EBF1: variants seen among roughly 807,000 people sequenced by gnomAD.
EBF1 encodes the protein transcription factor COE1.
Under a neutral mutation model 68.4 loss-of-function variants are expected in EBF1, and 10 were observed. The ratio of observed to expected loss-of-function variants is 0.15; its 90% confidence interval spans 0.09 to 0.25. EBF1 has a LOEUF of 0.25. Among genes scored for constraint, EBF1 ranks in the 10% least tolerant of loss-of-function variants. EBF1 has a pLI of 1.00. For missense variants in EBF1, 509 were observed against 794.4 expected, an observed-to-expected ratio of 0.64 and a Z score of 4.32; for synonymous variants, 298 against 299.8, an observed-to-expected ratio of 0.99 and a Z score of 0.06.
chr5:158,883,415 T>C (rs891489004), intron 6 of EBF1, among the ~76,000 whole-genome samples: 1 of 147,872 alleles, frequency 6.8e-6, no homozygotes, highest in Non-Finnish European at 1.5e-5. Flanking sequence ...TATATATACA[T>C]ACATACGTAT....
intron 10 of EBF1, among the ~76,000 whole-genome samples, chr5:158,741,623 T>C (rs1766441518): frequency 6.6e-6 from 1 of 151,556 alleles, no homozygotes; most frequent in African/African-American, 2.4e-5. Flanking sequence ...AGTTTTGAAC[T>C]ACCTTAAACT....
intron 6 of EBF1, among the ~76,000 whole-genome samples, chr5:158,884,312 C>A (rs1171897513): frequency 6.7e-6 from 1 of 149,464 alleles, no homozygotes; most frequent in East Asian, 1.9e-4. Context: ...TTATTCCTGA[C>A]TCTAACAAGT....
chr5:158,852,035 G>A (rs1425455362), intron 6 of EBF1, among the ~76,000 whole-genome samples: 1 of 29,598 alleles, frequency 3.4e-5, no homozygotes, highest in African/African-American at 1.1e-4. Flanking sequence ...GAGGGAAAGG[G>A]TGGGGAGGGG....
At position 158,722,874 on chromosome 5, in the gene EBF1, G is replaced by C. The variant is rs528620728; in HGVS notation, c.1125+8195C>G. ...CATTCCTAAGGGCTTCAGTCTTTAAGGGGAGGATGTTGGGTGGCTGGAGGT... is the reference window on the plus strand; with the variant it reads ...CATTCCTAAGGGCTTCAGTCTTTAACGGGAGGATGTTGGGTGGCTGGAGGT... On this transcript the variant is annotated intron_variant, in intron 11 of 15. Coordinates refer to ENST00000313708, the MANE Select transcript of EBF1 (RefSeq NM_024007.5). Among the ~76,000 whole-genome samples the C allele has an allele frequency of 2.6e-5, 4 of 152,280 alleles. No homozygotes were observed. The South Asian group carries it at 8.3e-4, about 32-fold the overall frequency.
chr5:158,720,717 T>C (rs1761763739), intron 11 of EBF1, among the ~76,000 whole-genome samples: 1 of 152,168 alleles, frequency 6.6e-6, no homozygotes, highest in Non-Finnish European at 1.5e-5. Context: ...AGCATGGATA[T>C]AATTAAACAT....
intron 10 of EBF1, among the ~76,000 whole-genome samples, chr5:158,750,225 A>G (rs1768509189): frequency 6.6e-6 from 1 of 152,152 alleles, no homozygotes; most frequent in African/African-American, 2.4e-5. Context: ...ATATTCAAAC[A>G]ATAAGATATT....
At chr5:158,795,994 C>G (rs1318619162) in intron 9 of EBF1, among the ~76,000 whole-genome samples, 1 of 152,092 alleles carries the variant, frequency 6.6e-6, no homozygotes, top group Non-Finnish European at 1.5e-5. Context: ...CAGATTACAC[C>G]CTTGCTAAAA....
chr5:158,999,822 A>C (rs2127639763), intron 6 of EBF1, among the ~76,000 whole-genome samples: 1 of 152,362 alleles, frequency 6.6e-6, no homozygotes, highest in East Asian at 1.9e-4. Flanking sequence ...AATAAGCATT[A>C]AAACTTTATT....
chr5:158,979,212 G>A (rs1358602404), intron 6 of EBF1, among the ~76,000 whole-genome samples: 2 of 152,204 alleles, frequency 1.3e-5, no homozygotes, highest in African/African-American at 4.8e-5. Flanking sequence ...GAAAGTGGAT[G>A]TCAGAATTTC....
chr5:158,731,780 T>C lies in EBF1; in HGVS notation c.1037-623A>G, dbSNP rs1046296246. 7.9e-5 allele frequency among the ~76,000 whole-genome samples: 12 copies of C among 152,154 alleles called. No homozygotes were observed. In the South Asian group the frequency reaches 2.5e-3, roughly 32 times the overall value. ...GAAATGATAGATCCTTTCACCAACA[T>C]TGATATTATTTGGGACCAGCATCTG... On this transcript the variant is annotated intron_variant, in intron 10 of 15. Transcript: ENST00000313708.
At chr5:158,953,636 G>A (rs770367596) in intron 6 of EBF1, among the ~76,000 whole-genome samples, 2 of 152,216 alleles carry the variant, frequency 1.3e-5, no homozygotes, top group African/African-American at 2.4e-5. Context: ...AGTTTGGAAA[G>A]ATAAAATGGT....
chr5:158,742,264 C>T (rs1245466190), intron 10 of EBF1, among the ~76,000 whole-genome samples: 1 of 152,202 alleles, frequency 6.6e-6, no homozygotes, highest in Non-Finnish European at 1.5e-5. Context: ...ACCCATTTGA[C>T]TTCCATTTTC....
intron 6 of EBF1, among the ~76,000 whole-genome samples, chr5:158,900,733 G>T (rs752647628): frequency 6.6e-6 from 1 of 152,176 alleles, no homozygotes; most frequent in Non-Finnish European, 1.5e-5. Flanking sequence ...GGCACCAGGC[G>T]TTACACTAGG....
At chr5:158,938,672 CGA>C (rs1174571456) in intron 6 of EBF1, among the ~76,000 whole-genome samples, 4 of 152,086 alleles carry the variant, frequency 2.6e-5, no homozygotes, top group African/African-American at 9.7e-5. Flanking sequence ...GCACAAAGAA[CGA>C]GAGAGAGAGC....
intron 6 of EBF1, among the ~76,000 whole-genome samples, chr5:158,952,006 A>G (rs58772680): frequency 6.6e-6 from 1 of 152,320 alleles, no homozygotes; most frequent in Non-Finnish European, 1.5e-5. Flanking sequence ...CCGAGCACTC[A>G]GGAGTTTTTC....
At chr5:158,886,423 C>T (rs928147415) in intron 6 of EBF1, among the ~76,000 whole-genome samples, 5 of 152,156 alleles carry the variant, frequency 3.3e-5, no homozygotes, top group African/African-American at 9.7e-5. Context: ...CTGGTGTTTT[C>T]GAGTCCAAAG....
intron 14 of EBF1, among the ~76,000 whole-genome samples, chr5:158,708,524 G>T (rs1381619973): frequency 2.0e-5 from 3 of 152,196 alleles, no homozygotes; most frequent in African/African-American, 7.2e-5. Context: ...CCTTTATGGG[G>T]CAGAACACAG....
intron 10 of EBF1, among the ~76,000 whole-genome samples, chr5:158,746,869 T>C (rs1257474845): frequency 6.6e-6 from 1 of 152,164 alleles, no homozygotes; most frequent in Non-Finnish European, 1.5e-5. Flanking sequence ...TATTCTCAAA[T>C]GGAAAATTTT....
intron 5 of EBF1, among the ~76,000 whole-genome samples, chr5:159,077,724 T>G (rs1779028855): frequency 6.6e-6 from 1 of 151,682 alleles, no homozygotes; most frequent in Admixed American, 6.6e-5. Flanking sequence ...CATTTTATTT[T>G]TATATTTTTG....
Sources: gnomAD v4.1 joint callset for allele counts (sites outside exome capture counted in the v4.1 genomes callset) on GRCh38, gnomAD v4.1.1 for gene constraint, MANE v1.5 for transcripts, NCBI Gene and HGNC (gene_info 2026-07-23, HGNC 2026-07-21) for gene names.